Variants in GRM5 observed in about 807,000 individuals in gnomAD.
The protein encoded by GRM5 is metabotropic glutamate receptor 5.
A neutral mutation model predicts 83.1 loss-of-function variants in GRM5; 19 were observed. The observed-to-expected ratio is 0.23, with a 90% CI of 0.16 to 0.34. GRM5 has a LOEUF of 0.34. GRM5 is among the 10% of genes least tolerant of loss of function. The pLI is 1.00. For missense variants in GRM5, 1,160 were observed against 1,588.3 expected (o/e 0.73, Z 4.58); for synonymous variants, 675 against 633.6 (o/e 1.07, Z -0.98).
chr11:88,807,813 A>T (rs1276499898), intron 3 of GRM5, among the ~76,000 whole-genome samples: 1 of 152,088 alleles, frequency 6.6e-6, no homozygotes, highest in East Asian at 1.9e-4. Context: ...TGTTTTATAC[A>T]ATTTGAATAA....
intron 3 of GRM5, among the ~76,000 whole-genome samples, chr11:88,750,103 T>C (rs908064470): frequency 6.6e-6 from 1 of 152,080 alleles, no homozygotes; most frequent in African/African-American, 2.4e-5. Flanking sequence ...ACCTTAAATG[T>C]AAATGGGCTA....
At chr11:89,031,914 G>T (rs534627118) in intron 2 of GRM5, among the ~76,000 whole-genome samples, 1 of 152,090 alleles carries the variant, frequency 6.6e-6, no homozygotes, top group East Asian at 1.9e-4. Flanking sequence ...AAGGACTCGA[G>T]AAGTTACAGT....
chr11:88,680,674 G>A (rs1232416242), intron 3 of GRM5, among the ~76,000 whole-genome samples: 1 of 152,076 alleles, frequency 6.6e-6, no homozygotes, highest in Non-Finnish European at 1.5e-5. Context: ...TAAAGACACA[G>A]GCACACGTAT....
At chr11:88,900,899 A>C (rs1306616386) in intron 2 of GRM5, among the ~76,000 whole-genome samples, 2 of 152,146 alleles carry the variant, frequency 1.3e-5, no homozygotes, top group Non-Finnish European at 2.9e-5. Flanking sequence ...CACCTTATGA[A>C]ATGCAGGCTC....
At chr11:88,811,037 T>C (rs1943580416) in intron 3 of GRM5, among the ~76,000 whole-genome samples, 1 of 152,146 alleles carries the variant, frequency 6.6e-6, no homozygotes, top group South Asian at 2.1e-4. Flanking sequence ...GCAAAGATTA[T>C]CTCAGCTCTA....
chr11:88,946,594 A>G (rs570246899), intron 2 of GRM5, among the ~76,000 whole-genome samples: 83 of 152,234 alleles, frequency 5.5e-4, no homozygotes, highest in African/African-American at 1.9e-3. Flanking sequence ...GTTTTCACTT[A>G]CAAGTAGGAG....
chr11:88,864,145 T>C (rs1944617354), intron 2 of GRM5, among the ~76,000 whole-genome samples: 1 of 146,502 alleles, frequency 6.8e-6, no homozygotes, highest in African/African-American at 2.5e-5. Flanking sequence ...CAGGTTAAAG[T>C]GGGTAGTATG....
chr11:88,963,340 A>C (rs984332940), intron 2 of GRM5, among the ~76,000 whole-genome samples: 1 of 152,272 alleles, frequency 6.6e-6, no homozygotes, highest in Non-Finnish European at 1.5e-5. Flanking sequence ...TAGGCAAAAT[A>C]GTTGCCCAGA....
intron 9 of GRM5, among the ~76,000 whole-genome samples, chr11:88,524,206 C>CT (rs1941795473): frequency 9.9e-6 from 1 of 101,216 alleles, no homozygotes; most frequent in African/African-American, 3.9e-5. Flanking sequence ...TTCTTTCTTT[C>CT]TTTCTTTCTT....
chr11:88,782,886 T>C (rs1943000547), intron 3 of GRM5, among the ~76,000 whole-genome samples: 1 of 152,160 alleles, frequency 6.6e-6, no homozygotes. Flanking sequence ...AGCCGAGTGC[T>C]AAGCCCTTCA....
At chr11:88,965,495 A>G (rs990191974) in intron 2 of GRM5, among the ~76,000 whole-genome samples, 1 of 152,164 alleles carries the variant, frequency 6.6e-6, no homozygotes, top group Non-Finnish European at 1.5e-5. Flanking sequence ...TTGGGTTGAC[A>G]TAAACATTCA....
intron 2 of GRM5, among the ~76,000 whole-genome samples, chr11:88,990,792 G>A (rs1056842267): frequency 3.0e-4 from 45 of 151,476 alleles, no homozygotes; most frequent in Non-Finnish European, 5.2e-4. Flanking sequence ...TGCAGAAAAG[G>A]CCTTTGACAA....
At chr11:88,955,521 A>C (rs1363281462) in intron 2 of GRM5, among the ~76,000 whole-genome samples, 2 of 152,236 alleles carry the variant, frequency 1.3e-5, no homozygotes, top group African/African-American at 2.4e-5. Flanking sequence ...CAGCATACAG[A>C]AAATAATTTG....
At chr11:88,657,428 C>G (rs1296263068) in intron 3 of GRM5, among the ~76,000 whole-genome samples, 1 of 152,130 alleles carries the variant, frequency 6.6e-6, no homozygotes. Flanking sequence ...CTTGGCTTAA[C>G]TAAAGGAGGA....
chr11:88,588,658 T>C (rs903977210), intron 7 of GRM5, among the ~76,000 whole-genome samples: 1 of 152,190 alleles, frequency 6.6e-6, no homozygotes, highest in Admixed American at 6.6e-5. Flanking sequence ...CAGTTAATTT[T>C]TACTTCTTCA....
chr11:88,627,147 G>A (rs1277812445), intron 4 of GRM5, among the ~76,000 whole-genome samples: 2 of 152,210 alleles, frequency 1.3e-5, no homozygotes, highest in African/African-American at 4.8e-5. Context: ...AGTGAAGAAA[G>A]AGAGTTTAAG....
chr11:88,566,935 C>T (rs1471345980), intron 8 of GRM5, 118 bp downstream of exon 8: 6 of 660,852 alleles, frequency 9.1e-6, no homozygotes, highest in South Asian at 6.1e-5. Flanking sequence ...TGCCGTAAGT[C>T]ACCCTGCCTC....
intron 3 of GRM5, among the ~76,000 whole-genome samples, chr11:88,733,655 A>C (rs1941852561): frequency 6.6e-6 from 1 of 152,064 alleles, no homozygotes; most frequent in Non-Finnish European, 1.5e-5. Flanking sequence ...TGAAAATAGC[A>C]GTCTTTGTGG....
At chr11:88,897,813 T>A (rs368366282) in intron 2 of GRM5, among the ~76,000 whole-genome samples, 1 of 152,012 alleles carries the variant, frequency 6.6e-6, no homozygotes, top group African/African-American at 2.4e-5. Context: ...TTCCACCTTA[T>A]AAGCTTTAAT....
Sources: allele counts gnomAD v4.1 joint callset (sites outside exome capture counted in the v4.1 genomes callset), GRCh38; gene constraint gnomAD v4.1.1; transcripts MANE v1.5; gene names NCBI Gene and HGNC (gene_info 2026-07-23, HGNC 2026-07-21).